The following JPT2 variants were observed in gnomAD, a reference collection of about 807,000 sequenced individuals.
JPT2 encodes the protein Jupiter microtubule associated homolog 2, also known as CRAMP_1 like.
In JPT2, 9 loss-of-function variants were observed where a neutral mutation model predicts 15.9. The observed-to-expected ratio is 0.57, with a 90% CI of 0.34 to 0.99. JPT2 has a LOEUF of 0.99. Ranked by LOEUF, JPT2 falls within the 50% of genes least tolerant of loss-of-function variation. JPT2 has a pLI of 0.02. For synonymous variants in JPT2, 95 were observed against 91.7 expected, an observed-to-expected ratio of 1.04 and a Z score of -0.21; for missense variants, 267 against 252.1, an observed-to-expected ratio of 1.06 and a Z score of -0.40.
At chr16:1,697,723 AG>A (rs2037152747) in intron 3 of JPT2, 88 bp from the exon 4 acceptor site, 1 of 1,229,662 alleles carries the variant, frequency 8.1e-7, no homozygotes, top group Non-Finnish European at 1.2e-6. Context: ...GTAAATTAAA[AG>A]GTTATATGGT....
rs1445697976 is a variant in JPT2, at chr16:1,699,659, C to G, written c.*661C>G. The G allele has an allele frequency of 7.4e-6, 2 of 271,330 alleles. No individual in the cohort carries two copies. The highest frequency in any genetic ancestry group is 2.2e-5 in the African/African-American group (1 of 45,674). The allele number at this position is 271,330 out of a possible 1,614,324, so 16.8% of individuals were successfully genotyped here. ...CTGCCATCTGAAACCTCGGCCTGAT[C>G]TGATCTCATGTTGGAATCTGCCTGT... On this transcript the variant is annotated 3_prime_UTR_variant, in exon 5 of 5. Transcript: ENST00000248098.
At chr16:1,696,871 T>C (rs2037146028) in intron 3 of JPT2, among the ~76,000 whole-genome samples, 1 of 152,122 alleles carries the variant, frequency 6.6e-6, no homozygotes, top group South Asian at 2.1e-4. Flanking sequence ...GCATTGCTAG[T>C]GGGATTGGAA....
intron 3 of JPT2, 71 bp downstream of exon 3, chr16:1,692,056 G>A (rs2037107400): frequency 1.3e-6 from 2 of 1,567,376 alleles, no homozygotes; most frequent in Non-Finnish European, 1.7e-6. Context: ...AAGGCTCCAA[G>A]GCAGATGCGA....
At position 1,699,447 on chromosome 16, in the gene JPT2, G is replaced by A. The variant is rs967061322; in HGVS notation, c.*449G>A. On this transcript the variant is annotated 3_prime_UTR_variant, in exon 5 of 5. Transcript: ENST00000248098. ...TTAGCAGAACCGCTTCCATTCTGGAGATCACGGCTGCTAAATCCAGCATCC... is the reference window on the plus strand; with the variant it reads ...TTAGCAGAACCGCTTCCATTCTGGAAATCACGGCTGCTAAATCCAGCATCC... 2.0e-5 allele frequency: 7 copies of A among 357,608 alleles called. 1 individual carries two copies. The highest frequency in any genetic ancestry group is 1.5e-4 in the African/African-American group (7 of 47,086). The allele number at this position is 357,608 out of a possible 1,614,324, so 22.2% of individuals were successfully genotyped here.
chr16:1,678,331 A>T lies in JPT2; in HGVS notation c.19A>T (p.Ser7Cys). The change falls in exon 1 of 5, where the codon AGC becomes TGC. Residue 7 changes from serine to cysteine, a missense_variant. Coordinates refer to ENST00000248098, the MANE Select transcript of JPT2 (RefSeq NM_144570.3). Reference sequence around the variant, plus strand: ...GGTCGACATGTTCCAGGTCCCGGATAGCGAGGGCGGCCGCGCCGGCTCCAG... The same window carrying T: ...GGTCGACATGTTCCAGGTCCCGGATTGCGAGGGCGGCCGCGCCGGCTCCAG... MFQVPD[S>C]EGGRAGSRAM... The T allele has an allele frequency of 3.2e-6, 4 of 1,235,410 alleles. No individual in the cohort carries two copies. Among genetic ancestry groups the T allele is most frequent in the Non-Finnish European group, 4.1e-6 (4 of 986,878 alleles). 76.5% of individuals were successfully genotyped at this position (1,235,410 alleles called of 1,614,324 possible). A position where few individuals can be genotyped will look rare whatever the true frequency, so the allele number is the denominator to read the frequency against.
At chr16:1,679,380 C>T (rs1300888528) in intron 1 of JPT2, among the ~76,000 whole-genome samples, 1 of 152,176 alleles carries the variant, frequency 6.6e-6, no homozygotes, top group Non-Finnish European at 1.5e-5. Flanking sequence ...AAAAGAATTG[C>T]TCCAACTTGC....
chr16:1,678,388 A>G, intron 1 of JPT2, 32 bp downstream of exon 1: 1 of 1,185,436 alleles, frequency 8.4e-7, no homozygotes, highest in Non-Finnish European at 1.0e-6. Flanking sequence ...AGGCGGGCGG[A>G]TAGCGCGACC....
chr16:1,690,851 C>T (rs1303337280), intron 2 of JPT2, among the ~76,000 whole-genome samples: 2 of 152,180 alleles, frequency 1.3e-5, no homozygotes, highest in Non-Finnish European at 2.9e-5. Context: ...TATTTCCATC[C>T]CAGACACTGT....
Position 1,685,592 on chromosome 16 carries a change from G to A in JPT2, c.193+5G>A, listed in dbSNP as rs2037058553. The A allele has an allele frequency of 1.2e-6, 2 of 1,609,812 alleles. No homozygotes were observed. Among genetic ancestry groups the A allele is most frequent in the Non-Finnish European group, 1.7e-6 (2 of 1,178,844 alleles). On this transcript the variant is annotated splice_donor_5th_base_variant and intron_variant, in intron 2 of 4. Coordinates refer to ENST00000248098, the MANE Select transcript of JPT2 (RefSeq NM_144570.3). Reference sequence around the variant, plus strand: ...CCAAGAGGACAAATCCCCCAGGTATGGGCCTTTGGAAATCCTTAATCCTTT... The same window carrying A: ...CCAAGAGGACAAATCCCCCAGGTATAGGCCTTTGGAAATCCTTAATCCTTT...
chr16:1,680,226 C>A, intron 1 of JPT2: 1 of 640,834 alleles, frequency 1.6e-6, no homozygotes, highest in Non-Finnish European at 1.9e-6. Context: ...ATCCCCAGCC[C>A]TGTCCCAGTT....
intron 3 of JPT2, among the ~76,000 whole-genome samples, chr16:1,694,983 C>T (rs943886010): frequency 2.1e-4 from 32 of 152,170 alleles, no homozygotes; most frequent in African/African-American, 4.8e-4. Flanking sequence ...TAAATTGGGC[C>T]GTGCATGGTG....
chr16:1,691,843 G>C lies in JPT2; in HGVS notation c.194G>C (p.Gly65Ala), dbSNP rs774728920. The change falls in exon 3 of 5, where the codon GGG (glycine) becomes GCG (alanine). Residue 65 changes from glycine (G) to alanine (A), a missense_variant and splice_region_variant. By Grantham distance (60) the Gly-to-Ala change is moderately conservative. Coordinates refer to ENST00000248098, the MANE Select transcript of JPT2 (RefSeq NM_144570.3). The stretch of plus-strand genomic sequence containing the variant: ...CAGTGTTCTGTGATCGTTTCTGCAG[G>C]GGGTAAAGGAAGTGGTATCTTTGAC... ...QNIPKRTNPP[G>A]GKGSGIFDES... 1.2e-6 allele frequency: 2 copies of C among 1,613,200 alleles called. No homozygotes were observed. Among genetic ancestry groups the C allele is most frequent in the Admixed American group, 1.7e-5 (1 of 59,982 alleles).
intron 2 of JPT2, chr16:1,689,881 T>G (rs2037092702): frequency 6.6e-6 from 1 of 152,292 alleles, no homozygotes; most frequent in African/African-American, 2.4e-5. Context: ...CTCCCCACCG[T>G]GCTGTGCTGC....
rs758700991 is a variant in JPT2, at chr16:1,697,890, G to A, written c.385+30G>A. 45 of 1,599,470 alleles carry A rather than the reference G, an allele frequency of 2.8e-5. 1 individual carries two copies. Among genetic ancestry groups the A allele is most frequent in the African/African-American group, 4.0e-5 (3 of 74,436 alleles). Reference sequence around the variant, plus strand: ...GCTTTTGTTTTCTTTCCCTTCTCCTGAGTGGCCTCATTATTTCTGGAAGAG... The same window carrying A: ...GCTTTTGTTTTCTTTCCCTTCTCCTAAGTGGCCTCATTATTTCTGGAAGAG... On this transcript the variant is annotated intron_variant, in intron 4 of 4. Coordinates refer to ENST00000248098, the MANE Select transcript of JPT2 (RefSeq NM_144570.3).
Position 1,698,933 on chromosome 16 carries a change from C to T in JPT2, c.508C>T (p.Arg170Trp), listed in dbSNP as rs145087498. ...VDSHEPRLGP[R>W]PRSHNKVLNP... ...CAGCCATGAGCCCCGGCTGGGGCCG[C>T]GGCCTCGCTCTCACAACAAGGTCCT... is the stretch of plus-strand genomic sequence containing the variant. Residue 170 changes from arginine (R) to tryptophan (W), a missense_variant, in exon 5 of 5, where the codon CGG becomes TGG. Physicochemically the swap from Arg to Trp is moderately radical, Grantham distance 101. Transcript: ENST00000248098. This position sits in a 1 kb window ranked among gnomAD's most constrained non-coding sequence, Gnocchi z 4.9. 12 of 1,614,084 alleles carry T rather than the reference C, an allele frequency of 7.4e-6. No individual in the cohort carries two copies. Among genetic ancestry groups the T allele is most frequent in the Middle Eastern group, 1.6e-4 (1 of 6,084 alleles).
intron 3 of JPT2, among the ~76,000 whole-genome samples, chr16:1,697,212 A>G (rs2037148752): frequency 6.6e-6 from 1 of 152,240 alleles, no homozygotes; most frequent in Non-Finnish European, 1.5e-5. Flanking sequence ...TTATGCCAGT[A>G]TTTAAAAATT....
At chr16:1,681,985 A>T (rs1015546082) in intron 1 of JPT2, among the ~76,000 whole-genome samples, 3 of 152,248 alleles carry the variant, frequency 2.0e-5, no homozygotes, top group Non-Finnish European at 4.4e-5. Flanking sequence ...TGATAAATTC[A>T]GTTCAGTTCG....
intron 1 of JPT2, chr16:1,683,770 A>T: frequency 1.8e-6 from 1 of 569,170 alleles, no homozygotes. Flanking sequence ...AGAAACTGTT[A>T]TTTTTGTTAA....
chr16:1,678,356 G>A lies in JPT2; in HGVS notation c.44G>A (p.Arg15Lys), dbSNP rs1333888780. 3 of 1,231,946 alleles carry A rather than the reference G, an allele frequency of 2.4e-6. No homozygotes were observed. The highest frequency in any genetic ancestry group is 3.0e-6 in the Non-Finnish European group (3 of 986,046). The allele number at this position is 1,231,946 out of a possible 1,614,324, so 76.3% of individuals were successfully genotyped here. Reference sequence around the variant, plus strand: ...AGCGAGGGCGGCCGCGCCGGCTCCAGGTGCGGCGCGGGGCACACGGGAGGC... The same window carrying A: ...AGCGAGGGCGGCCGCGCCGGCTCCAAGTGCGGCGCGGGGCACACGGGAGGC... The part of the protein sequence containing the change: ...PDSEGGRAGS[R>K]AMKPPGGESS... Residue 15 changes from arginine to lysine, a missense_variant and splice_region_variant, in exon 1 of 5, where the codon AGG becomes AAG. Physicochemically the swap from Arg to Lys is conservative, Grantham distance 26 (BLOSUM62 2). Coordinates refer to ENST00000248098, the MANE Select transcript of JPT2 (RefSeq NM_144570.3).
Sources: gnomAD v4.1 joint callset for allele counts (sites outside exome capture counted in the v4.1 genomes callset) on GRCh38, gnomAD v4.1.1 for gene constraint, Gnocchi (gnomAD v3.1) non-coding constraint, MANE v1.5 for transcripts, NCBI Gene and HGNC (gene_info 2026-07-23, HGNC 2026-07-21) for gene names.